The following ING5 variants were observed in gnomAD, a reference collection of about 807,000 sequenced individuals.
ING5 encodes inhibitor of growth protein 5.
Under a neutral mutation model 37.4 loss-of-function variants are expected in ING5, and 17 were observed. That is an observed-to-expected ratio of 0.45 (90% confidence interval 0.31 to 0.68). The LOEUF (loss-of-function observed/expected upper bound fraction) is 0.68, where lower values mean the gene tolerates loss of function less well. ING5 is among the 30% of genes least tolerant of loss of function. ING5 has a pLI of 0.05. For synonymous variants in ING5, 123 were observed against 116.6 expected (o/e 1.06, Z -0.36); for missense variants, 233 against 311.9 (o/e 0.75, Z 1.91).
rs1332313435 is a variant in ING5 at position 241,720,233 on chromosome 2, CTG to C, written c.483-2705_483-2704del. 3.2e-6 allele frequency: 4 copies of C among 1,231,506 alleles called. No individual in the cohort carries two copies. The African/African-American group carries it at 4.7e-5, about 14-fold the overall frequency. The allele number at this position is 1,231,506 out of a possible 1,614,324, so 76.3% of individuals were successfully genotyped here. The stretch of plus-strand genomic sequence containing the variant: ...GCAGGAGCCCGCCTGCCCCTGGGCT[CTG>C]GAGTTCTGTGGTGCGCGTCCCTGAC... On this transcript the variant is annotated intron_variant, in intron 5 of 7. Transcript: ENST00000313552.
At chr2:241,720,279 T>A in intron 5 of ING5, 1 of 1,228,926 alleles carries the variant, frequency 8.1e-7, no homozygotes, top group Middle Eastern at 3.1e-4. Flanking sequence ...ACAGTGGGTA[T>A]TCACGCCCCT....
chr2:241,702,244 G>C (rs988440123), intron 1 of ING5, 142 bp downstream of exon 1: 8 of 201,906 alleles, frequency 4.0e-5, no homozygotes, highest in African/African-American at 1.9e-4. Flanking sequence ...GGGGCGCGCG[G>C]ACGGGGCGGG....
At chr2:241,706,798 A>G (rs567031132) in intron 2 of ING5, among the ~76,000 whole-genome samples, 1 of 152,054 alleles carries the variant, frequency 6.6e-6, no homozygotes, top group South Asian at 2.1e-4. Context: ...CTTGTCTCCT[A>G]GCTTCCACGT....
rs376724030 is a variant in ING5, at chr2:241,709,287, C to A, written c.181C>A (p.Arg61Ser). The change falls in exon 3 of 8, where the codon CGC (arginine) becomes AGC (serine). Residue 61 changes from arginine (R) to serine (S), a missense_variant. Arg to Ser is a moderately radical substitution (Grantham distance 110, BLOSUM62 -1). Coordinates refer to ENST00000313552, the MANE Select transcript of ING5 (RefSeq NM_032329.6). ...GGTGAAGACGCTGTCTCCAGACCAG[C>A]GCGTGGAGCGCCTGCAGAAGATCCA... ...STVKTLSPDQ[R>S]VERLQKIQNA... is the part of the protein sequence containing the mutation. 1 of 1,614,082 alleles carries A rather than the reference C, an allele frequency of 6.2e-7. No individual in the cohort carries two copies. The highest frequency in any genetic ancestry group is 8.5e-7 in the Non-Finnish European group (1 of 1,179,990).
At chr2:241,706,547 T>G (rs917782100) in intron 2 of ING5, among the ~76,000 whole-genome samples, 12 of 148,588 alleles carry the variant, frequency 8.1e-5, no homozygotes, top group Non-Finnish European at 1.2e-4. Flanking sequence ...GAGAATCACT[T>G]GAACCTGGAG....
In ING5 at chr2:241,723,075, G is replaced by A; in HGVS notation, c.618+1G>A. On this transcript the variant is annotated splice_donor_variant, in intron 6 of 7. Transcript: ENST00000313552. LOFTEE classifies it high-confidence loss of function. Reference sequence around the variant, plus strand: ...GATGATTGGCTGTGACAATCCAGACGTGAGTGTCGCCTGCAGGATTCGCGC... The same window carrying A: ...GATGATTGGCTGTGACAATCCAGACATGAGTGTCGCCTGCAGGATTCGCGC... The A allele has an allele frequency of 6.2e-7, 1 of 1,614,246 alleles. No individual in the cohort carries two copies. Among genetic ancestry groups the A allele is most frequent in the Non-Finnish European group, 8.5e-7 (1 of 1,180,046 alleles).
At position 241,722,963 on chromosome 2, in the gene ING5, G is replaced by C; in HGVS notation, c.507G>C (p.Leu169=). 1 of 1,614,116 alleles carries C rather than the reference G, an allele frequency of 6.2e-7. No individual in the cohort carries two copies. Among genetic ancestry groups the C allele is most frequent in the Non-Finnish European group, 8.5e-7 (1 of 1,180,040 alleles). The change falls in exon 6 of 8, where the codon CTG becomes CTC. Residue 169 remains leucine (L), a synonymous_variant. Coordinates refer to ENST00000313552, the MANE Select transcript of ING5 (RefSeq NM_032329.6). ...GGTCTGAGTTCACTGACACCATCCT[G>C]TCCGTGCACCCCTCTGATGTGCTGG... ...KGGSEFTDTI[L]SVHPSDVLDM...
intron 5 of ING5, among the ~76,000 whole-genome samples, chr2:241,716,899 T>C (rs571744737): frequency 5.3e-5 from 8 of 152,120 alleles, no homozygotes; most frequent in African/African-American, 9.7e-5. Flanking sequence ...AGGGGAGACG[T>C]TGGATACAGA....
chr2:241,729,145 G>C lies in ING5; in HGVS notation c.*4114G>C, dbSNP rs1489798161. ...TTAAATTTTTAGTGAGCAGTGATTG[G>C]CCTTCAATACTTGTGCTGAGAGGAA... On this transcript the variant is annotated 3_prime_UTR_variant, in exon 8 of 8. Transcript: ENST00000313552. 2.0e-5 allele frequency: 3 copies of C among 152,614 alleles called. No individual in the cohort carries two copies. The highest frequency in any genetic ancestry group is 7.2e-5 in the African/African-American group (3 of 41,454). 9.5% of individuals were successfully genotyped at this position (152,614 alleles called of 1,614,324 possible).
At chr2:241,712,150 G>A (rs959255167) in intron 5 of ING5, 79 bp downstream of exon 5, 1 of 1,165,810 alleles carries the variant, frequency 8.6e-7, no homozygotes, top group Non-Finnish European at 1.2e-6. Flanking sequence ...ACTGATGGAA[G>A]CTGACCCGAG....
At chr2:241,698,415 T>TGA (rs2069662156), upstream of ING5, among the ~76,000 whole-genome samples, 1 of 146,916 alleles carries the variant, frequency 6.8e-6, no homozygotes, top group African/African-American at 2.5e-5. Flanking sequence ...ATTTGAGGTC[T>TGA]CAAAAAAAAA....
chr2:241,700,977 T>TC (rs2069709431), upstream of ING5, among the ~76,000 whole-genome samples: 1 of 108,422 alleles, frequency 9.2e-6, no homozygotes, highest in South Asian at 2.8e-4. Flanking sequence ...CTTAAAATTT[T>TC]CTTTTTTTTT....
At chr2:241,699,532 T>G (rs1488765240), upstream of ING5, among the ~76,000 whole-genome samples, 1 of 152,126 alleles carries the variant, frequency 6.6e-6, no homozygotes, top group Non-Finnish European at 1.5e-5. Context: ...CGCCTCAGCC[T>G]CTCATGGTGA....
intron 4 of ING5, 145 bp downstream of exon 4, chr2:241,711,633 G>C (rs1433450546): frequency 1.5e-6 from 1 of 663,338 alleles, no homozygotes; most frequent in Non-Finnish European, 2.5e-6. Flanking sequence ...GGGTGTGGTG[G>C]CTTACGCCTG....
At chr2:241,721,281 ACTT>A in intron 5 of ING5, 1 of 985,476 alleles carries the variant, frequency 1.0e-6, no homozygotes, top group Non-Finnish European at 1.2e-6. Context: ...CCCGAAGACT[ACTT>A]GAGACTGTTG....
upstream of ING5, among the ~76,000 whole-genome samples, chr2:241,697,253 G>A (rs2124859091): frequency 1.3e-5 from 2 of 152,040 alleles, no homozygotes; most frequent in Middle Eastern, 6.8e-3. Flanking sequence ...GGCTAACACG[G>A]TGAAACCCCA....
At position 241,711,372 on chromosome 2, in the gene ING5, T is replaced by C. The variant is rs369458183; in HGVS notation, c.277-5T>C. 1.3e-6 allele frequency: 2 copies of C among 1,487,870 alleles called. No individual in the cohort carries two copies. Among genetic ancestry groups the C allele is most frequent in the African/African-American group, 1.5e-5 (1 of 68,900 alleles). 92.2% of individuals were successfully genotyped at this position (1,487,870 alleles called of 1,614,324 possible). A position where few individuals can be genotyped will look rare whatever the true frequency, so the allele number is the denominator to read the frequency against. On this transcript the variant is annotated splice_polypyrimidine_tract_variant and splice_region_variant and intron_variant, in intron 3 of 7. Coordinates refer to ENST00000313552, the MANE Select transcript of ING5 (RefSeq NM_032329.6). ...TAAAATAAGACTTTGGGTATCCTTT[T>C]GTAGGTGGATAAACACATTCGAAGG...
At chr2:241,708,450 G>A (rs1013027470) in intron 2 of ING5, among the ~76,000 whole-genome samples, 4 of 146,984 alleles carry the variant, frequency 2.7e-5, no homozygotes, top group African/African-American at 5.0e-5. Flanking sequence ...CTCGTGATCT[G>A]CCCGCCTCGG....
chr2:241,708,318 C>G (rs2069989245), intron 2 of ING5, among the ~76,000 whole-genome samples: 1 of 152,066 alleles, frequency 6.6e-6, no homozygotes, highest in Admixed American at 6.6e-5. Context: ...CGCCATTCTC[C>G]TGCCTCAGCC....
Sources: gnomAD v4.1 joint callset for allele counts (sites outside exome capture counted in the v4.1 genomes callset) on GRCh38, gnomAD v4.1.1 for gene constraint, MANE v1.5 for transcripts, NCBI Gene and HGNC (gene_info 2026-07-23, HGNC 2026-07-21) for gene names.